POU6F2: variants seen among roughly 807,000 people sequenced by gnomAD.
POU6F2 encodes POU domain, class 6, transcription factor 2.
In POU6F2, 31 loss-of-function variants were observed where a neutral mutation model predicts 71.3. The ratio of observed to expected loss-of-function variants is 0.43; its 90% CI spans 0.33 to 0.59. The LOEUF is 0.59. Among genes scored for constraint, POU6F2 ranks in the 20% least tolerant of loss-of-function variants. The probability of loss-of-function intolerance (pLI) is 0.04; values close to 1 mark genes in which losing one functional copy is unlikely to be tolerated. For missense variants in POU6F2, 783 were observed against 856.8 expected (o/e 0.91, Z 1.07); for synonymous variants, 347 against 355.7 (o/e 0.98, Z 0.27).
chr7:39,303,028 A>T (rs1436700029), intron 4 of POU6F2, among the ~76,000 whole-genome samples: 1 of 152,248 alleles, frequency 6.6e-6, no homozygotes, highest in African/African-American at 2.4e-5. Flanking sequence ...AGTGATGCTC[A>T]TGCTGTTGGC....
chr7:39,306,884 G>A (rs548629493), intron 4 of POU6F2, among the ~76,000 whole-genome samples: 7 of 152,316 alleles, frequency 4.6e-5, no homozygotes, highest in African/African-American at 1.2e-4. Context: ...TTCCATCCAC[G>A]TTAGGATTAA....
At chr7:39,229,717 G>A (rs1794538706) in intron 4 of POU6F2, among the ~76,000 whole-genome samples, 1 of 152,224 alleles carries the variant, frequency 6.6e-6, no homozygotes, top group African/African-American at 2.4e-5. Flanking sequence ...CACATGGAAA[G>A]TGTGTTAAAG....
intron 4 of POU6F2, among the ~76,000 whole-genome samples, chr7:39,211,129 C>A (rs1384097650): frequency 6.6e-6 from 1 of 152,080 alleles, no homozygotes; most frequent in East Asian, 1.9e-4. Flanking sequence ...CCCTTATGAC[C>A]TAATCAACTC....
intron 6 of POU6F2, among the ~76,000 whole-genome samples, chr7:39,420,314 G>C (rs775685609): frequency 6.6e-6 from 1 of 152,204 alleles, no homozygotes. Flanking sequence ...TTTAAAAGGT[G>C]ATACACAAAT....
intron 4 of POU6F2, among the ~76,000 whole-genome samples, chr7:39,226,213 T>A (rs1455169335): frequency 6.6e-6 from 1 of 152,162 alleles, no homozygotes; most frequent in East Asian, 1.9e-4. Context: ...CTGGAAGAAT[T>A]CTGTGACATT....
Position 39,043,511 on chromosome 7 carries a change from A to ATT in POU6F2, c.106-42348_106-42347dup, listed in dbSNP as rs369374330. On this transcript the variant is annotated intron_variant, in intron 1 of 9. Coordinates refer to ENST00000518318, the MANE Select transcript of POU6F2 (RefSeq NM_001370959.1). ...AGTAATGGGGCATCAAACAGGCAAA[A>ATT]TTGCATGTGTTGTCAATGGCTACAG... is the stretch of plus-strand genomic sequence containing the variant. 4.5e-3 allele frequency among the ~76,000 whole-genome samples: 689 copies of ATT among 152,060 alleles called. 6 individuals carry two copies. Among genetic ancestry groups the ATT allele is most frequent in the African/African-American group, 0.016 (658 of 41,532 alleles).
intron 1 of POU6F2, among the ~76,000 whole-genome samples, chr7:38,998,916 G>A (rs182684295): frequency 1.0e-4 from 15 of 150,170 alleles, no homozygotes; most frequent in South Asian, 6.3e-4. Context: ...CGCCCGCCTC[G>A]GCCTCACAAA....
At chr7:39,089,947 G>T (rs1404812319) in intron 2 of POU6F2, among the ~76,000 whole-genome samples, 1 of 151,878 alleles carries the variant, frequency 6.6e-6, no homozygotes, top group Non-Finnish European at 1.5e-5. Flanking sequence ...TGTTAGTCTC[G>T]GTGGCCGGCT....
At chr7:39,276,916 G>A (rs182672518) in intron 4 of POU6F2, among the ~76,000 whole-genome samples, 1 of 146,012 alleles carries the variant, frequency 6.8e-6, no homozygotes, top group Non-Finnish European at 1.5e-5. Context: ...GTAGGGGGAG[G>A]GGGGAGGGAT....
chr7:39,377,922 A>T (rs1786743073), intron 5 of POU6F2, among the ~76,000 whole-genome samples: 1 of 152,196 alleles, frequency 6.6e-6, no homozygotes, highest in African/African-American at 2.4e-5. Context: ...GGTTCAGGAG[A>T]GGAACTTTTC....
At chr7:39,165,385 A>T (rs1442364179) in intron 2 of POU6F2, among the ~76,000 whole-genome samples, 1 of 152,216 alleles carries the variant, frequency 6.6e-6, no homozygotes, top group Non-Finnish European at 1.5e-5. Flanking sequence ...ATTGTCTAAG[A>T]CAGTGATGCC....
At chr7:39,348,610 T>C (rs1056591371) in intron 5 of POU6F2, among the ~76,000 whole-genome samples, 2 of 152,200 alleles carry the variant, frequency 1.3e-5, no homozygotes, top group Non-Finnish European at 2.9e-5. Context: ...GACTTCAAAG[T>C]GTCTCTATTT....
At chr7:39,000,530 GACACACACACACACACAC>G (rs5883670) in intron 1 of POU6F2, among the ~76,000 whole-genome samples, 15,291 of 141,216 alleles carry the variant, frequency 0.11, 858 homozygotes, top group East Asian at 0.13. Context: ...CATACCCACA[GACACACACACACACACAC>G]ACACACACAC....
chr7:38,980,276 T>C (rs779017945), intron 1 of POU6F2, among the ~76,000 whole-genome samples: 1 of 152,172 alleles, frequency 6.6e-6, no homozygotes, highest in Non-Finnish European at 1.5e-5. Context: ...AACATTTCTG[T>C]GCTAAAATGT....
At position 39,074,193 on chromosome 7, in the gene POU6F2, C is replaced by CA. The variant is rs373452648; in HGVS notation, c.106-11661dup. Among the ~76,000 whole-genome samples the CA allele has an allele frequency of 3.0e-3, 464 of 152,202 alleles. 6 individuals are homozygous for CA. The highest frequency in any genetic ancestry group is 0.01 in the African/African-American group (425 of 41,522). ...GTGAAGCCCCATCTCTACTAAAATA[C>CA]AAAAAATTAGCTGGGCGTAATGGCT... On this transcript the variant is annotated intron_variant, in intron 1 of 9. Transcript: ENST00000518318.
chr7:39,279,692 A>G (rs143918143), intron 4 of POU6F2, among the ~76,000 whole-genome samples: 15 of 152,090 alleles, frequency 9.9e-5, no homozygotes, highest in African/African-American at 2.2e-4. Context: ...CCAATACTCC[A>G]TCTTCCCTCT....
chr7:39,027,369 G>A (rs1420502381), intron 1 of POU6F2, among the ~76,000 whole-genome samples: 1 of 152,010 alleles, frequency 6.6e-6, no homozygotes, highest in African/African-American at 2.4e-5. Context: ...GATGTTATGC[G>A]GTGCTTCTAT....
chr7:39,149,981 G>T (rs528035153), intron 2 of POU6F2, among the ~76,000 whole-genome samples: 6 of 151,794 alleles, frequency 4.0e-5, no homozygotes, highest in South Asian at 2.1e-4. Context: ...CGCCTCCCGG[G>T]TTCACGCCAT....
chr7:39,225,038 C>T (rs1794435269), intron 4 of POU6F2, among the ~76,000 whole-genome samples: 1 of 152,182 alleles, frequency 6.6e-6, no homozygotes, highest in African/African-American at 2.4e-5. Flanking sequence ...ATATTGTGTT[C>T]ACATAGAAAT....
Sources: gnomAD v4.1 joint callset for allele counts (sites outside exome capture counted in the v4.1 genomes callset) on GRCh38, gnomAD v4.1.1 for gene constraint, MANE v1.5 for transcripts, NCBI Gene and HGNC (gene_info 2026-07-23, HGNC 2026-07-21) for gene names.